TIAM2: variants seen among roughly 807,000 people sequenced by gnomAD.
The protein encoded by TIAM2 is TIAM Rac1 associated GEF 2, also known as rho guanine nucleotide exchange factor TIAM2.
A neutral mutation model predicts 152.9 loss-of-function variants in TIAM2; 80 were observed. The ratio of observed to expected loss-of-function variants is 0.52; its 90% CI spans 0.44 to 0.63. The LOEUF (loss-of-function observed/expected upper bound fraction) is 0.63, where lower values mean the gene tolerates loss of function less well. Among genes scored for constraint, TIAM2 ranks in the 30% least tolerant of loss-of-function variants. The pLI is 0.00. For missense variants in TIAM2, 1,965 were observed against 2,120.1 expected (o/e 0.93, Z 1.44); for synonymous variants, 804 against 838.0 (o/e 0.96, Z 0.70).
At position 155,081,526 on chromosome 6, in the gene TIAM2, C is replaced by A. The variant is rs1423410786; in HGVS notation, c.-208-8763C>A. ...AATGCACTTGGCTCAGTCAACTGAGCCCTGAGATAAAGCTAGGAGTCCCTG... is the reference window on the plus strand; with the variant it reads ...AATGCACTTGGCTCAGTCAACTGAGACCTGAGATAAAGCTAGGAGTCCCTG... On this transcript the variant is annotated intron_variant, in intron 1 of 26. Coordinates refer to ENST00000682666, the MANE Select transcript of TIAM2 (RefSeq NM_012454.4). Among the ~76,000 whole-genome samples, 7 of 152,230 alleles carry A rather than the reference C, an allele frequency of 4.6e-5. No homozygotes were observed. The East Asian group carries it at 1.4e-3, about 29-fold the overall frequency.
chr6:155,256,453 A>G, intron 26 of TIAM2, 31 bp from the exon 27 acceptor site: 2 of 1,613,796 alleles, frequency 1.2e-6, no homozygotes, highest in African/African-American at 1.3e-5. Flanking sequence ...CTGTTTCTGT[A>G]TCACAGCGAA....
At chr6:155,222,613 CAAACAAA>C (rs1782090387) in intron 15 of TIAM2, among the ~76,000 whole-genome samples, 1 of 85,282 alleles carries the variant, frequency 1.2e-5, no homozygotes, top group African/African-American at 3.2e-5. Flanking sequence ...AAACAAAAAA[CAAACAAA>C]AAAAAAAAAC....
chr6:155,179,520 C>T (rs2115135871), intron 12 of TIAM2, 64 bp downstream of exon 12: 1 of 1,447,256 alleles, frequency 6.9e-7, no homozygotes, highest in Non-Finnish European at 9.3e-7. Context: ...TTTGCCCCAG[C>T]ATCTTTGGAC....
chr6:155,066,161 T>A (rs1777689841), intron 1 of TIAM2, among the ~76,000 whole-genome samples: 1 of 70,854 alleles, frequency 1.4e-5, no homozygotes, highest in South Asian at 5.7e-4. Context: ...TCAATTTTCC[T>A]GTTCCCAAAG....
rs567529147 is a variant in TIAM2, at chr6:155,137,408, A to G, written c.1426A>G (p.Ile476Val). The G allele has an allele frequency of 9.5e-4, 1,538 of 1,614,250 alleles. 28 individuals are homozygous for G. The South Asian group carries it at 0.016, about 17-fold the overall frequency. ...LEMSRTNTEN[I>V]ETSTETAESS... ...AATGAGCAGGACCAACACTGAGAAC[A>G]TAGAAACATCTACAGAAACCGCCGA... The change falls in exon 5 of 27, where the codon ATA (isoleucine) becomes GTA (valine). Residue 476 changes from isoleucine to valine, a missense_variant. Physicochemically the swap from Ile to Val is conservative, Grantham distance 29 (BLOSUM62 3). Coordinates refer to ENST00000682666, the MANE Select transcript of TIAM2 (RefSeq NM_012454.4).
chr6:155,256,452 T>G lies in TIAM2; in HGVS notation c.4469-32T>G, dbSNP rs759286128. 3 of 1,613,748 alleles carry G rather than the reference T, an allele frequency of 1.9e-6. No homozygotes were observed. In the South Asian group the frequency reaches 3.3e-5, roughly 18 times the overall value. On this transcript the variant is annotated intron_variant, in intron 26 of 26. Transcript: ENST00000682666. ...TTACACATTGTGTAACCTGTTTCTG[T>G]ATCACAGCGAAATGTGTTTTTCTCA...
At chr6:155,040,588 G>A (rs1432174084) in intron 1 of TIAM2, among the ~76,000 whole-genome samples, 3 of 151,948 alleles carry the variant, frequency 2.0e-5, no homozygotes, top group Non-Finnish European at 4.4e-5. Context: ...GCACCATCTC[G>A]GCTCACTGCA....
rs544983891 is a variant in TIAM2, at chr6:155,014,417, G to T, written c.-209+18925G>T. Among the ~76,000 whole-genome samples, 4 of 152,106 alleles carry T rather than the reference G, an allele frequency of 2.6e-5. No homozygotes were observed. In the South Asian group the frequency reaches 8.3e-4, roughly 32 times the overall value. ...TTATGTTAAGTAGTTTTTGTGTTTT[G>T]TCTCTAAGTTTTGTTTAGTTCACCG... On this transcript the variant is annotated intron_variant, in intron 1 of 26. Coordinates refer to ENST00000682666, the MANE Select transcript of TIAM2 (RefSeq NM_012454.4).
At chr6:155,086,724 A>AT (rs397778790) in intron 1 of TIAM2, among the ~76,000 whole-genome samples, 1 of 146,388 alleles carries the variant, frequency 6.8e-6, no homozygotes, top group Non-Finnish European at 1.5e-5. Context: ...AAAAAAAAAA[A>AT]CCCCAACAAA....
chr6:155,107,337 G>A (rs7756855), intron 2 of TIAM2, among the ~76,000 whole-genome samples: 41,115 of 152,090 alleles, frequency 0.27, 5,929 homozygotes, highest in South Asian at 0.43. Flanking sequence ...GGGAATTGTT[G>A]CCTTTAAATT....
chr6:155,134,895 C>T (rs1815503), intron 4 of TIAM2, among the ~76,000 whole-genome samples: 105,297 of 151,908 alleles, frequency 0.69, 36,641 homozygotes, highest in Admixed American at 0.78. Flanking sequence ...TTTGTAGAGA[C>T]GGGGTTTCAC....
chr6:155,067,475 A>G (rs1777724283), intron 1 of TIAM2, among the ~76,000 whole-genome samples: 1 of 152,154 alleles, frequency 6.6e-6, no homozygotes, highest in Non-Finnish European at 1.5e-5. Flanking sequence ...CATGTCTCCA[A>G]GAAATCTGGA....
intron 6 of TIAM2, 62 bp downstream of exon 6, chr6:155,144,840 A>C: frequency 6.6e-7 from 1 of 1,507,312 alleles, no homozygotes; most frequent in Non-Finnish European, 8.9e-7. Flanking sequence ...AAGAAGGAAC[A>C]GAAAAGGCAA....
At chr6:155,254,243 T>TA in intron 25 of TIAM2, 176 bp from the exon 26 acceptor site, 1 of 1,026,350 alleles carries the variant, frequency 9.7e-7, no homozygotes, top group Non-Finnish European at 1.4e-6. Context: ...ATCAAAATCT[T>TA]AAGAGTGATC....
chr6:155,141,599 G>T (rs1265279445), intron 5 of TIAM2, among the ~76,000 whole-genome samples: 1 of 152,154 alleles, frequency 6.6e-6, no homozygotes, highest in Non-Finnish European at 1.5e-5. Context: ...TTCAACAAGG[G>T]TAATTCTGCT....
intron 1 of TIAM2, among the ~76,000 whole-genome samples, chr6:155,075,045 G>A (rs1777925163): frequency 1.3e-5 from 2 of 151,982 alleles, no homozygotes; most frequent in South Asian, 2.1e-4. Context: ...CTCTGGACCA[G>A]GGTGGCAGGG....
chr6:155,257,102 A>C lies in TIAM2; in HGVS notation c.5087A>C (p.Glu1696Ala), dbSNP rs1355388738. 6.2e-7 allele frequency: 1 copy of C among 1,613,278 alleles called. No individual in the cohort carries two copies. The change falls in exon 27 of 27, where the codon GAG becomes GCG. Residue 1696 changes from glutamate (E) to alanine (A), a missense_variant. By Grantham distance (107) the Glu-to-Ala change is moderately radical. Around this residue, in one of 3 missense-constraint regions of TIAM2, gnomAD observed 935 missense variants for 980.0 expected, o/e 0.95. Transcript: ENST00000682666. ...AGTGAGGAGTGTTTTTATGAAACAG[A>C]GAGCCACGGAAAATCATAGTATGAT... ...VVSEECFYET[E>A]SHGKS
At chr6:155,048,952 C>A (rs746051918) in intron 1 of TIAM2, among the ~76,000 whole-genome samples, 10 of 151,926 alleles carry the variant, frequency 6.6e-5, no homozygotes, top group Non-Finnish European at 1.2e-4. Flanking sequence ...AGGTGCATGC[C>A]ACCATGCACC....
intron 16 of TIAM2, among the ~76,000 whole-genome samples, chr6:155,242,825 T>A (rs1234687409): frequency 6.6e-6 from 1 of 152,082 alleles, no homozygotes; most frequent in Non-Finnish European, 1.5e-5. Flanking sequence ...AACCTCCACC[T>A]CCTGAGTTCA....
Sources: allele counts gnomAD v4.1 joint callset (sites outside exome capture counted in the v4.1 genomes callset), GRCh38; gene constraint gnomAD v4.1.1; regional missense constraint gnomAD v4.1.1; transcripts MANE v1.5; gene names NCBI Gene and HGNC (gene_info 2026-07-23, HGNC 2026-07-21).